HERC3: variants seen among roughly 807,000 people sequenced by gnomAD.
The protein encoded by HERC3 is HECT and RLD domain containing E3 ubiquitin protein ligase 3, also known as probable E3 ubiquitin-protein ligase HERC3.
In HERC3, 58 loss-of-function variants were observed where a neutral mutation model predicts 129.9. That is an observed-to-expected ratio of 0.45 (90% confidence interval 0.36 to 0.56). The LOEUF (loss-of-function observed/expected upper bound fraction) is 0.56, where lower values mean the gene tolerates loss of function less well. HERC3 is among the 20% of genes least tolerant of loss of function. The probability of loss-of-function intolerance (pLI) is 0.00; values close to 1 mark genes in which losing one functional copy is unlikely to be tolerated. For synonymous variants in HERC3, 430 were observed against 451.0 expected, an observed-to-expected ratio of 0.95 and a Z score of 0.59; for missense variants, 835 against 1,244.2, an observed-to-expected ratio of 0.67 and a Z score of 4.95.
At chr4:88,676,475 A>T in intron 18 of HERC3, 52 bp downstream of exon 18, 1 of 1,256,194 alleles carries the variant, frequency 8.0e-7, no homozygotes. Flanking sequence ...CTCCCATTCT[A>T]GACATTCAGT....
intron 3 of HERC3, among the ~76,000 whole-genome samples, chr4:88,618,490 G>T (rs1052665307): frequency 1.3e-5 from 2 of 152,142 alleles, no homozygotes; most frequent in African/African-American, 4.8e-5. Context: ...TAAAGCCTTT[G>T]CTACTCTTTC....
chr4:88,633,932 G>A (rs941553466), intron 3 of HERC3, among the ~76,000 whole-genome samples: 3 of 152,216 alleles, frequency 2.0e-5, no homozygotes, highest in Non-Finnish European at 4.4e-5. Context: ...GTGATTAAAT[G>A]GTCAATTCGA....
intron 3 of HERC3, among the ~76,000 whole-genome samples, chr4:88,613,725 A>G (rs1042611783): frequency 7.9e-5 from 12 of 152,214 alleles, no homozygotes; most frequent in African/African-American, 2.7e-4. Flanking sequence ...TGCCATAGGA[A>G]GTGTTCAGAT....
the HERC3 span, among the ~76,000 whole-genome samples, chr4:88,537,579 A>G: frequency 1.3e-5 from 2 of 152,202 alleles, no homozygotes; most frequent in African/African-American, 4.8e-5. Flanking sequence ...ACTGTAAATT[A>G]CTGTTTTCCT....
chr4:88,677,490 A>T (rs908639784), intron 18 of HERC3, among the ~76,000 whole-genome samples: 2 of 151,984 alleles, frequency 1.3e-5, no homozygotes, highest in Middle Eastern at 3.4e-3. Context: ...TTCCAGCTCG[A>T]CTGCATCTAT....
intron 19 of HERC3, among the ~76,000 whole-genome samples, chr4:88,679,729 G>C (rs1477457750): frequency 6.6e-6 from 1 of 152,200 alleles, no homozygotes; most frequent in Middle Eastern, 3.4e-3. Flanking sequence ...TGTTTGCCAG[G>C]CTGGTCTCGA....
chr4:88,658,899 T>C (rs568005291), intron 10 of HERC3, among the ~76,000 whole-genome samples: 79 of 152,340 alleles, frequency 5.2e-4, no homozygotes, highest in African/African-American at 1.8e-3. Flanking sequence ...TATATATGTA[T>C]GTAAGAGGTA....
chr4:88,594,989 C>T (rs1210194330), intron 1 of HERC3, among the ~76,000 whole-genome samples: 6 of 149,488 alleles, frequency 4.0e-5, no homozygotes, highest in Non-Finnish European at 8.9e-5. Flanking sequence ...GTAATTCCAG[C>T]TACTTGGGAG....
chr4:88,693,671 T>C (rs1734301673), intron 23 of HERC3: 5 of 983,934 alleles, frequency 5.1e-6, no homozygotes, highest in African/African-American at 1.7e-5. Flanking sequence ...TGTGTGTATA[T>C]GTGTAAATGT....
the HERC3 span, among the ~76,000 whole-genome samples, chr4:88,580,771 AAAT>A: frequency 6.6e-6 from 1 of 152,174 alleles, no homozygotes; most frequent in Non-Finnish European, 1.5e-5. Flanking sequence ...GAGAATGGCC[AAAT>A]ATTAAGCCTT....
At chr4:88,693,325 T>A (rs1170649951) in intron 23 of HERC3, 1 of 967,746 alleles carries the variant, frequency 1.0e-6, no homozygotes, top group Non-Finnish European at 1.2e-6. Context: ...TGTATAACAT[T>A]TGAATTTGTT....
At chr4:88,699,921 A>G (rs2604209) in intron 23 of HERC3, among the ~76,000 whole-genome samples, 37,042 of 152,042 alleles carry the variant, frequency 0.24, 6,082 homozygotes, top group African/African-American at 0.45. Context: ...TAATGTAAGC[A>G]CTGTAGTAAT....
At chr4:88,526,536 A>G in the HERC3 span, among the ~76,000 whole-genome samples, 1 of 151,898 alleles carries the variant, frequency 6.6e-6, no homozygotes, top group Non-Finnish European at 1.5e-5. Flanking sequence ...CTTATTTTTT[A>G]TTTTTATTTT....
In HERC3 at chr4:88,707,545, C is replaced by T. The variant is rs1441113863; in HGVS notation, c.*585C>T. The T allele has an allele frequency of 1.3e-5, 2 of 152,524 alleles. No individual in the cohort carries two copies. The highest frequency in any genetic ancestry group is 2.9e-5 in the Non-Finnish European group (2 of 68,322). 9.4% of individuals were successfully genotyped at this position (152,524 alleles called of 1,614,324 possible). On this transcript the variant is annotated 3_prime_UTR_variant, in exon 26 of 26. Transcript: ENST00000402738. ...GTCTGGGTCCATTATTTTGGCAGAA[C>T]TCCTAAGAATTTATGGGAGCCTATA...
chr4:88,678,309 A>G (rs116270708), intron 19 of HERC3, among the ~76,000 whole-genome samples, 175 bp downstream of exon 19: 2 of 152,310 alleles, frequency 1.3e-5, no homozygotes, highest in East Asian at 1.9e-4. Context: ...TCAATGTAAC[A>G]TTGGATAAAA....
chr4:88,603,204 C>CT (rs1191378063), intron 2 of HERC3, among the ~76,000 whole-genome samples: 4,423 of 131,030 alleles, frequency 0.034, 143 homozygotes, highest in African/African-American at 0.062. Flanking sequence ...ATCGCTTTCT[C>CT]TTTTTTTTTT....
chr4:88,613,157 TA>T (rs1313177354), intron 3 of HERC3, among the ~76,000 whole-genome samples: 4 of 152,214 alleles, frequency 2.6e-5, no homozygotes, highest in African/African-American at 9.6e-5. Flanking sequence ...AGAACCGTGG[TA>T]GGGGCAGTTA....
intron 21 of HERC3, among the ~76,000 whole-genome samples, chr4:88,683,366 A>G (rs946005875): frequency 2.2e-4 from 34 of 152,296 alleles, no homozygotes; most frequent in African/African-American, 7.0e-4. Context: ...ATACTGAGAA[A>G]CTATAAAGGA....
intron 9 of HERC3, among the ~76,000 whole-genome samples, chr4:88,657,809 G>T (rs558802335): frequency 6.6e-6 from 1 of 152,078 alleles, no homozygotes; most frequent in Admixed American, 6.5e-5. Flanking sequence ...GGGAGTTGGT[G>T]TGAGCACCAC....
Sources: allele counts gnomAD v4.1 joint callset (sites outside exome capture counted in the v4.1 genomes callset), GRCh38; gene constraint gnomAD v4.1.1; transcripts MANE v1.5; gene names NCBI Gene and HGNC (gene_info 2026-07-23, HGNC 2026-07-21).